The following SLC29A1 variants were observed in gnomAD, a reference collection of about 807,000 sequenced individuals.
The protein encoded by SLC29A1 is solute carrier family 29 member 1 (Augustine blood group), also known as equilibrative nucleoside transporter 1.
Under a neutral mutation model 48.3 loss-of-function variants are expected in SLC29A1, and 22 were observed. That is an observed-to-expected ratio of 0.46 (90% CI 0.33 to 0.65). SLC29A1 has a LOEUF of 0.65. Ranked by LOEUF, SLC29A1 falls within the 30% of genes least tolerant of loss-of-function variation. The pLI is 0.03. For synonymous variants in SLC29A1, 228 were observed against 231.0 expected (o/e 0.99, Z 0.12); for missense variants, 491 against 575.3 (o/e 0.85, Z 1.50).
upstream of SLC29A1, chr6:44,223,567 A>C (rs777904379): frequency 5.8e-6 from 7 of 1,205,356 alleles, no homozygotes; most frequent in South Asian, 2.8e-5. This position sits in a 1 kb window ranked among gnomAD's most constrained non-coding sequence, Gnocchi z 5.0. Context: ...GCGGGTTTGA[A>C]TGTGCCCCGG....
chr6:44,223,949 C>G lies in SLC29A1; in HGVS notation c.-52+308C>G, dbSNP rs1474085685. ...AGGCGAGTGGACGGGTGATCCCCAT[C>G]GATCTGGTCGGTATCAGGGAGGGGC... is the stretch of plus-strand genomic sequence containing the variant. On this transcript the variant is annotated intron_variant, in intron 1 of 12. Coordinates refer to ENST00000371755, the MANE Select transcript of SLC29A1 (RefSeq NM_001372327.1). This position sits in a 1 kb window ranked among gnomAD's most constrained non-coding sequence, Gnocchi z 5.0. The G allele has an allele frequency of 1.0e-6, 1 of 988,176 alleles. No individual in the cohort carries two copies. The highest frequency in any genetic ancestry group is 1.7e-5 in the African/African-American group (1 of 57,148). The allele number at this position is 988,176 out of a possible 1,614,324, so 61.2% of individuals were successfully genotyped here. A position where few individuals can be genotyped will look rare whatever the true frequency, so the allele number is the denominator to read the frequency against.
In SLC29A1 at chr6:44,232,866, ACTGCTG is replaced by A; in HGVS notation, c.1126_1131del (p.Leu376_Leu377del). On this transcript the variant is annotated inframe_deletion, in exon 12 of 13. Coordinates refer to ENST00000371755, the MANE Select transcript of SLC29A1 (RefSeq NM_001372327.1). The surrounding 1 kb of genome is among the most constrained non-coding windows in gnomAD (Gnocchi z 4.7). ...TGCTGGCCCGGCTGGTGTTTGTGCC[ACTGCTG>A]CTGCTGTGCAACATTAAGCCCCGCC... is the stretch of plus-strand genomic sequence containing the variant. The A allele has an allele frequency of 6.2e-7, 1 of 1,613,894 alleles. No homozygotes were observed. The highest frequency in any genetic ancestry group is 8.5e-7 in the Non-Finnish European group (1 of 1,180,022).
At chr6:44,219,762 C>T (rs1561870585), upstream of SLC29A1, 3 of 1,288,686 alleles carry the variant, frequency 2.3e-6, no homozygotes, top group African/African-American at 3.0e-5. Context: ...AGTCCGGATG[C>T]TCACTCCAAA....
rs368371299 is a variant in SLC29A1 at position 44,230,100 on chromosome 6, C to T, written c.454+54C>T. ...GAGGAGGCATGCCCAACTACCCCCA[C>T]TCTTTTTTCAGACCCAGCGTTAGCC... On this transcript the variant is annotated intron_variant, in intron 5 of 12. Transcript: ENST00000371755. The T allele has an allele frequency of 1.2e-4, 190 of 1,595,618 alleles. 1 individual carries two copies. The African/African-American group carries it at 2.3e-3, about 19-fold the overall frequency.
chr6:44,226,685 TC>T, intron 1 of SLC29A1: 1 of 962,360 alleles, frequency 1.0e-6, no homozygotes, highest in Non-Finnish European at 1.2e-6. Flanking sequence ...ATCCAGGGGC[TC>T]CCCAGGGAGG....
rs991222397 is a variant in SLC29A1 at position 44,230,084 on chromosome 6, T to G, written c.454+38T>G. On this transcript the variant is annotated intron_variant, in intron 5 of 12. Coordinates refer to ENST00000371755, the MANE Select transcript of SLC29A1 (RefSeq NM_001372327.1). ...AGGAGGGGGCCTATGGGAGGAGGCATGCCCAACTACCCCCACTCTTTTTTC... is the reference window on the plus strand; with the variant it reads ...AGGAGGGGGCCTATGGGAGGAGGCAGGCCCAACTACCCCCACTCTTTTTTC... 3 of 1,600,184 alleles carry G rather than the reference T, an allele frequency of 1.9e-6. No individual in the cohort carries two copies. In the African/African-American group the frequency reaches 4.0e-5, roughly 21 times the overall value.
upstream of SLC29A1, chr6:44,221,646 C>T (rs1169381764): frequency 7.8e-7 from 1 of 1,289,592 alleles, no homozygotes; most frequent in Non-Finnish European, 1.0e-6. This position sits in a 1 kb window ranked among gnomAD's most constrained non-coding sequence, Gnocchi z 4.2. Flanking sequence ...CTGAAGAGAG[C>T]TGGCAAGGCC....
chr6:44,223,443 TG>T, upstream of SLC29A1: 1 of 623,900 alleles, frequency 1.6e-6, no homozygotes, highest in Non-Finnish European at 1.8e-6. The surrounding 1 kb of genome is among the most constrained non-coding windows in gnomAD (Gnocchi z 5.0). Flanking sequence ...GGGCTCGGGG[TG>T]GGAGCGGCGG....
rs576891489 is a variant in SLC29A1 at position 44,233,973 on chromosome 6, T to G, written c.*445T>G. The G allele has an allele frequency of 3.5e-4, 60 of 171,958 alleles. No homozygotes were observed. Among genetic ancestry groups the G allele is most frequent in the Admixed American group, 7.2e-4 (12 of 16,680 alleles). The allele number at this position is 171,958 out of a possible 1,614,324, so 10.7% of individuals were successfully genotyped here. ...GATATACTCCATTCTCCCCTGCGCC[T>G]CCTCCTCTGTGTTCTCTCCATGTCC... On this transcript the variant is annotated 3_prime_UTR_variant, in exon 13 of 13. Coordinates refer to ENST00000371755, the MANE Select transcript of SLC29A1 (RefSeq NM_001372327.1).
Position 44,229,861 on chromosome 6 carries a change from C to T in SLC29A1, c.315-46C>T. 1 of 1,611,700 alleles carries T rather than the reference C, an allele frequency of 6.2e-7. No individual in the cohort carries two copies. Among genetic ancestry groups the T allele is most frequent in the Non-Finnish European group, 8.5e-7 (1 of 1,179,748 alleles). On this transcript the variant is annotated intron_variant, in intron 4 of 12. Coordinates refer to ENST00000371755, the MANE Select transcript of SLC29A1 (RefSeq NM_001372327.1). The surrounding 1 kb of genome is among the most constrained non-coding windows in gnomAD (Gnocchi z 5.1). ...TGTCCTGCACCCCCTTGGCTGAGCC[C>T]CAGCTTTGCCCACTTGTCTCTGCCA... is the stretch of plus-strand genomic sequence containing the variant.
At chr6:44,226,896 C>T (rs1777662590) in intron 1 of SLC29A1, 5 of 1,060,054 alleles carry the variant, frequency 4.7e-6, no homozygotes, top group Non-Finnish European at 5.7e-6. Context: ...GTCCTCTTGC[C>T]TGCCTTCTTT....
upstream of SLC29A1, chr6:44,221,801 C>T (rs1776458908): frequency 5.1e-6 from 2 of 394,170 alleles, no homozygotes; most frequent in Admixed American, 3.5e-5. This position sits in a 1 kb window ranked among gnomAD's most constrained non-coding sequence, Gnocchi z 4.2. Context: ...GGATGGATGC[C>T]AGACGGACTT....
intron 7 of SLC29A1, 42 bp from the exon 8 acceptor site, chr6:44,230,769 T>C: frequency 3.8e-6 from 6 of 1,587,452 alleles, no homozygotes; most frequent in Non-Finnish European, 5.2e-6. Flanking sequence ...TTCTGGAGAT[T>C]CTGCCTCTAA....
At chr6:44,230,228 A>T (rs1192896991) in intron 5 of SLC29A1, 119 bp from the exon 6 acceptor site, 1 of 1,504,818 alleles carries the variant, frequency 6.6e-7, no homozygotes, top group Non-Finnish European at 9.1e-7. Flanking sequence ...GGCAGAGAGA[A>T]GGGCAGCTCA....
intron 9 of SLC29A1, 142 bp downstream of exon 9, chr6:44,231,603 A>G (rs982651401): frequency 1.6e-6 from 1 of 642,150 alleles, no homozygotes; most frequent in Non-Finnish European, 2.8e-6. Flanking sequence ...GTGCGTGCCC[A>G]TGCGTGCGTG....
upstream of SLC29A1, among the ~76,000 whole-genome samples, chr6:44,222,402 A>G (rs1456351668): frequency 6.6e-6 from 1 of 152,064 alleles, no homozygotes; most frequent in African/African-American, 2.4e-5. Context: ...CTCTCTCCTT[A>G]GGGCCCTGTC....
upstream of SLC29A1, among the ~76,000 whole-genome samples, chr6:44,223,124 T>C (rs1160049550): frequency 2.6e-5 from 4 of 151,288 alleles, no homozygotes; most frequent in African/African-American, 9.7e-5. This position sits in a 1 kb window ranked among gnomAD's most constrained non-coding sequence, Gnocchi z 5.0. Flanking sequence ...AAGGGGGCGC[T>C]GAAAGGGAGG....
At chr6:44,222,569 C>T (rs1048489270), upstream of SLC29A1, among the ~76,000 whole-genome samples, 2 of 152,034 alleles carry the variant, frequency 1.3e-5, no homozygotes, top group African/African-American at 4.8e-5. Flanking sequence ...AGGACCTTTC[C>T]AGCCTTAGGA....
intron 6 of SLC29A1, 36 bp downstream of exon 6, chr6:44,230,517 G>A: frequency 6.2e-7 from 1 of 1,613,968 alleles, no homozygotes; most frequent in Non-Finnish European, 8.5e-7. Context: ...GTGCCCTGGT[G>A]TGGTGGGGAG....
Sources: gnomAD v4.1 joint callset for allele counts (sites outside exome capture counted in the v4.1 genomes callset) on GRCh38, gnomAD v4.1.1 for gene constraint, Gnocchi (gnomAD v3.1) non-coding constraint, MANE v1.5 for transcripts, NCBI Gene and HGNC (gene_info 2026-07-23, HGNC 2026-07-21) for gene names.